NR5A2: variants seen among roughly 807,000 people sequenced by gnomAD.
The protein encoded by NR5A2 is nuclear receptor subfamily 5 group A member 2.
In NR5A2, 26 loss-of-function variants were observed where a neutral mutation model predicts 62.7. The ratio of observed to expected loss-of-function variants is 0.41; its 90% CI spans 0.30 to 0.58. NR5A2 has a LOEUF of 0.58. Ranked by LOEUF, NR5A2 falls within the 20% of genes least tolerant of loss-of-function variation. The probability of loss-of-function intolerance (pLI) is 0.22; values close to 1 mark genes in which losing one functional copy is unlikely to be tolerated. For synonymous variants in NR5A2, 246 were observed against 241.7 expected, an observed-to-expected ratio of 1.02 and a Z score of -0.16; for missense variants, 541 against 669.1, an observed-to-expected ratio of 0.81 and a Z score of 2.11.
At chr1:200,034,783 CTT>C (rs767393832) in intron 1 of NR5A2, among the ~76,000 whole-genome samples, 107 of 71,252 alleles carry the variant, frequency 1.5e-3, no homozygotes, top group East Asian at 3.7e-3. Flanking sequence ...AGCAGAAAGG[CTT>C]TTTTTTTTTT....
At chr1:200,125,310 C>A (rs1666656472) in intron 7 of NR5A2, among the ~76,000 whole-genome samples, 1 of 152,200 alleles carries the variant, frequency 6.6e-6, no homozygotes, top group East Asian at 1.9e-4. Flanking sequence ...TTGATACAAT[C>A]CTGTTTCCAG....
intron 5 of NR5A2, among the ~76,000 whole-genome samples, chr1:200,105,387 A>G (rs1053022238): frequency 6.6e-6 from 1 of 152,196 alleles, no homozygotes; most frequent in Non-Finnish European, 1.5e-5. Flanking sequence ...CCCCCTAGGA[A>G]GCCTCCCCAA....
intron 7 of NR5A2, among the ~76,000 whole-genome samples, chr1:200,123,188 A>C (rs1666552754): frequency 6.6e-6 from 1 of 152,260 alleles, no homozygotes; most frequent in Admixed American, 6.5e-5. Context: ...CTGGAGAAAA[A>C]TGAAGATTCT....
intron 1 of NR5A2, among the ~76,000 whole-genome samples, chr1:200,037,256 A>G (rs1460236206): frequency 6.6e-6 from 1 of 152,118 alleles, no homozygotes; most frequent in East Asian, 1.9e-4. Flanking sequence ...ATACACTACA[A>G]TTTCAAGGTC....
intron 7 of NR5A2, among the ~76,000 whole-genome samples, chr1:200,144,833 C>A (rs547430919): frequency 6.8e-4 from 103 of 152,254 alleles, no homozygotes; most frequent in African/African-American, 2.4e-3. Context: ...GTAAGTCTTA[C>A]CCAGGTCCTT....
chr1:200,113,268 G>T (rs1666048834), intron 6 of NR5A2, among the ~76,000 whole-genome samples: 1 of 151,666 alleles, frequency 6.6e-6, no homozygotes, highest in Admixed American at 6.6e-5. Context: ...GATTCTTCCA[G>T]CTCCCCTCCC....
chr1:200,034,688 G>T (rs1249274665), intron 1 of NR5A2, among the ~76,000 whole-genome samples: 1 of 150,758 alleles, frequency 6.6e-6, no homozygotes, highest in African/African-American at 2.4e-5. Flanking sequence ...ACGCCAGATC[G>T]AGATACTCTC....
intron 5 of NR5A2, among the ~76,000 whole-genome samples, chr1:200,103,423 A>T (rs1665491535): frequency 6.6e-6 from 1 of 152,138 alleles, no homozygotes. Context: ...CCTGGCCTGC[A>T]TGTAAAGCTT....
chr1:200,111,607 G>A (rs1437650553), intron 6 of NR5A2, among the ~76,000 whole-genome samples: 2 of 152,176 alleles, frequency 1.3e-5, no homozygotes, highest in South Asian at 2.1e-4. Flanking sequence ...GTAATGATTA[G>A]TACCCAGGTT....
intron 6 of NR5A2, among the ~76,000 whole-genome samples, chr1:200,120,039 T>A (rs956059907): frequency 1.3e-5 from 2 of 152,204 alleles, no homozygotes; most frequent in African/African-American, 4.8e-5. Flanking sequence ...TGTAATCTAA[T>A]GTAATCATCT....
At chr1:200,094,229 G>C (rs1175930895) in intron 5 of NR5A2, among the ~76,000 whole-genome samples, 1 of 151,438 alleles carries the variant, frequency 6.6e-6, no homozygotes, top group African/African-American at 2.4e-5. Flanking sequence ...CTGTTGCCCA[G>C]GCTGGAGTGC....
At chr1:200,113,783 G>T (rs1199611195) in intron 6 of NR5A2, among the ~76,000 whole-genome samples, 1 of 152,094 alleles carries the variant, frequency 6.6e-6, no homozygotes, top group Non-Finnish European at 1.5e-5. Flanking sequence ...ATTACTTTGT[G>T]TACACAAATT....
chr1:200,162,918 G>C (rs914889226), intron 7 of NR5A2, among the ~76,000 whole-genome samples: 6 of 152,206 alleles, frequency 3.9e-5, no homozygotes, highest in African/African-American at 1.4e-4. Context: ...CTGGCTATCA[G>C]GTAGAGACAT....
chr1:200,177,403 C>T lies in NR5A2; in HGVS notation c.*3193C>T, dbSNP rs1242110273. 2 of 152,540 alleles carry T rather than the reference C, an allele frequency of 1.3e-5. No homozygotes were observed. Among genetic ancestry groups the T allele is most frequent in the East Asian group, 1.9e-4 (1 of 5,178 alleles). 9.4% of individuals were successfully genotyped at this position (152,540 alleles called of 1,614,324 possible). A position where few individuals can be genotyped will look rare whatever the true frequency, so the allele number is the denominator to read the frequency against. On this transcript the variant is annotated 3_prime_UTR_variant, in exon 8 of 8. Coordinates refer to ENST00000367362, the MANE Select transcript of NR5A2 (RefSeq NM_205860.3). ...CAGTATTTCAATAAATATTGATATG[C>T]CCAGCCTGATAATTTTTAAAAGTTT...
chr1:200,090,157 CCT>C (rs533118360), intron 5 of NR5A2, among the ~76,000 whole-genome samples: 4 of 152,198 alleles, frequency 2.6e-5, no homozygotes, highest in South Asian at 2.1e-4. Context: ...GTCACTGTTT[CCT>C]CTCACAAACT....
chr1:200,126,678 A>C (rs1022917329), intron 7 of NR5A2, among the ~76,000 whole-genome samples: 4 of 132,134 alleles, frequency 3.0e-5, no homozygotes, highest in Non-Finnish European at 6.5e-5. Flanking sequence ...CACATTATGA[A>C]GGGGATTTTT....
intron 5 of NR5A2, among the ~76,000 whole-genome samples, chr1:200,099,528 T>C (rs1341156093): frequency 6.6e-6 from 1 of 152,140 alleles, no homozygotes; most frequent in Admixed American, 6.5e-5. Context: ...AACCAAAATC[T>C]TCCTTAATTT....
chr1:200,154,357 C>T (rs1215966954), intron 7 of NR5A2, among the ~76,000 whole-genome samples: 2 of 152,218 alleles, frequency 1.3e-5, no homozygotes, highest in Non-Finnish European at 2.9e-5. Context: ...CTCTTAACTG[C>T]CTCTAGACCA....
At chr1:200,108,217 C>T (rs1288377693) in intron 5 of NR5A2, among the ~76,000 whole-genome samples, 13 of 151,978 alleles carry the variant, frequency 8.6e-5, no homozygotes, top group East Asian at 5.8e-4. Flanking sequence ...CCTCAGCCTC[C>T]GGAGTAGCAG....
Sources: gnomAD v4.1 joint callset for allele counts (sites outside exome capture counted in the v4.1 genomes callset) on GRCh38, gnomAD v4.1.1 for gene constraint, MANE v1.5 for transcripts, NCBI Gene and HGNC (gene_info 2026-07-23, HGNC 2026-07-21) for gene names.